TRAPPC3L: variants seen among roughly 807,000 people sequenced by gnomAD.
The protein encoded by TRAPPC3L is trafficking protein particle complex subunit 3L, also known as trafficking protein particle complex subunit 3-like protein.
Under a neutral mutation model 23.7 loss-of-function variants are expected in TRAPPC3L, and 23 were observed. The observed-to-expected ratio is 0.97, with a 90% CI of 0.70 to 1.37. The LOEUF (loss-of-function observed/expected upper bound fraction) is 1.37. TRAPPC3L is among the 40% of genes most tolerant of loss of function. TRAPPC3L has a pLI of 0.00. For missense variants in TRAPPC3L, 212 were observed against 216.8 expected, an observed-to-expected ratio of 0.98 and a Z score of 0.14; for synonymous variants, 81 against 77.9, an observed-to-expected ratio of 1.04 and a Z score of -0.21.
At chr6:116,535,968 G>C (rs1007259376) in intron 3 of TRAPPC3L, among the ~76,000 whole-genome samples, 2 of 151,978 alleles carry the variant, frequency 1.3e-5, no homozygotes, top group Non-Finnish European at 2.9e-5. Context: ...TATTTCACAA[G>C]GTTCTTATAA....
At chr6:116,539,240 T>A (rs1192812854) in intron 3 of TRAPPC3L, among the ~76,000 whole-genome samples, 1 of 152,244 alleles carries the variant, frequency 6.6e-6, no homozygotes, top group South Asian at 2.1e-4. Context: ...TTTTTCAAAC[T>A]ACTGTTTTGG....
chr6:116,499,476 C>T (rs1348968149), intron 4 of TRAPPC3L, among the ~76,000 whole-genome samples: 1 of 152,166 alleles, frequency 6.6e-6, no homozygotes, highest in Non-Finnish European at 1.5e-5. Context: ...ATTTCTGTTG[C>T]TTTCAATATA....
In TRAPPC3L at chr6:116,543,288, A is replaced by G. The variant is rs888593361; in HGVS notation, c.140+15T>C. The G allele has an allele frequency of 1.3e-6, 2 of 1,533,160 alleles. No homozygotes were observed. Among genetic ancestry groups the G allele is most frequent in the South Asian group, 2.4e-5 (2 of 82,582 alleles). The allele number at this position is 1,533,160 out of a possible 1,614,324, so 95.0% of individuals were successfully genotyped here. On this transcript the variant is annotated intron_variant, in intron 2 of 4. Coordinates refer to ENST00000368602, the MANE Select transcript of TRAPPC3L (RefSeq NM_001139444.3). ...AACAACAGCCATTCAATAAGAATGA[A>G]GGACTTCCACTTACATTTTATCTAA... is the stretch of plus-strand genomic sequence containing the variant.
intron 1 of TRAPPC3L, among the ~76,000 whole-genome samples, chr6:116,544,099 C>T (rs927611105): frequency 2.7e-5 from 4 of 145,970 alleles, no homozygotes; most frequent in African/African-American, 1.0e-4. Context: ...CAGCAGAAGA[C>T]AAAGTGCTGC....
chr6:116,498,895 A>G (rs918996021), intron 4 of TRAPPC3L, among the ~76,000 whole-genome samples: 5 of 152,062 alleles, frequency 3.3e-5, no homozygotes, highest in African/African-American at 1.2e-4. Context: ...ATTGCTTCCT[A>G]TGGTTCTGTT....
At chr6:116,537,672 C>T (rs965047780) in intron 3 of TRAPPC3L, among the ~76,000 whole-genome samples, 2 of 152,130 alleles carry the variant, frequency 1.3e-5, no homozygotes, top group Admixed American at 6.6e-5. Flanking sequence ...GGAAGGGACT[C>T]GAGGAGCCCT....
intron 3 of TRAPPC3L, among the ~76,000 whole-genome samples, chr6:116,506,508 T>C (rs1318066637): frequency 1.3e-5 from 2 of 152,212 alleles, no homozygotes; most frequent in African/African-American, 2.4e-5. Flanking sequence ...GCGATCCCAT[T>C]ACTGGGTATA....
chr6:116,507,339 G>A (rs1029647419), intron 3 of TRAPPC3L, among the ~76,000 whole-genome samples: 1 of 152,172 alleles, frequency 6.6e-6, no homozygotes, highest in African/African-American at 2.4e-5. Context: ...ATTTTGGGAA[G>A]TGAAGGGAAA....
chr6:116,529,835 C>T (rs1251753464), intron 3 of TRAPPC3L, among the ~76,000 whole-genome samples: 1 of 152,124 alleles, frequency 6.6e-6, no homozygotes, highest in African/African-American at 2.4e-5. Context: ...TATTTTATGG[C>T]CCCCAGGCTG....
chr6:116,514,140 T>C (rs1391180671), intron 3 of TRAPPC3L, among the ~76,000 whole-genome samples: 2 of 152,034 alleles, frequency 1.3e-5, no homozygotes, highest in Non-Finnish European at 2.9e-5. Flanking sequence ...CACCAAGCTC[T>C]AGTTTGACTC....
chr6:116,534,865 A>T (rs1772974696), intron 3 of TRAPPC3L, among the ~76,000 whole-genome samples: 1 of 152,178 alleles, frequency 6.6e-6, no homozygotes, highest in Admixed American at 6.6e-5. Flanking sequence ...TAAACCTAAA[A>T]ATCGGGGTTT....
intron 3 of TRAPPC3L, chr6:116,523,598 C>A (rs1266675668): frequency 1.3e-5 from 2 of 152,128 alleles, no homozygotes; most frequent in Non-Finnish European, 2.9e-5. Flanking sequence ...TGGGGTCAGA[C>A]CTATGCAATT....
At chr6:116,523,174 C>A (rs1432954846) in intron 3 of TRAPPC3L, 2 of 152,070 alleles carry the variant, frequency 1.3e-5, no homozygotes, top group African/African-American at 4.8e-5. Context: ...ACTCAGAATC[C>A]TGGCCTGCAC....
intron 3 of TRAPPC3L, among the ~76,000 whole-genome samples, chr6:116,530,582 G>A (rs902578578): frequency 6.6e-6 from 1 of 152,060 alleles, no homozygotes; most frequent in Non-Finnish European, 1.5e-5. Flanking sequence ...GCGTTCCTCT[G>A]AGCTCACTGT....
chr6:116,511,072 C>T (rs1156891682), intron 3 of TRAPPC3L, among the ~76,000 whole-genome samples: 6 of 147,772 alleles, frequency 4.1e-5, no homozygotes, highest in African/African-American at 9.9e-5. Context: ...CATACATATC[C>T]GGTGATGGGT....
At chr6:116,511,288 T>TA (rs1417386704) in intron 3 of TRAPPC3L, among the ~76,000 whole-genome samples, 4 of 151,606 alleles carry the variant, frequency 2.6e-5, no homozygotes, top group Non-Finnish European at 5.9e-5. Flanking sequence ...AAAACATTCA[T>TA]AAAATTCTAG....
chr6:116,510,508 G>A (rs557179733), intron 3 of TRAPPC3L, among the ~76,000 whole-genome samples: 35 of 151,622 alleles, frequency 2.3e-4, no homozygotes, highest in African/African-American at 7.0e-4. Flanking sequence ...GGCTGGTCTC[G>A]TACTCCTTGG....
Position 116,543,798 on chromosome 6 carries a change from G to A in TRAPPC3L, c.43-398C>T, listed in dbSNP as rs532754811. 6.5e-5 allele frequency: 99 copies of A among 1,532,652 alleles called. 1 individual carries two copies. In the Middle Eastern group the frequency reaches 1.7e-3, roughly 26 times the overall value. The allele number at this position is 1,532,652 out of a possible 1,614,324, so 94.9% of individuals were successfully genotyped here. On this transcript the variant is annotated intron_variant, in intron 1 of 4. Transcript: ENST00000368602. The stretch of plus-strand genomic sequence containing the variant: ...AAGAATTGGATAAGACTTCTCAGGC[G>A]TCTGCACAATCCCTAATGGCCCCCA...
chr6:116,507,771 C>T (rs530601777), intron 3 of TRAPPC3L, among the ~76,000 whole-genome samples: 9 of 151,400 alleles, frequency 5.9e-5, no homozygotes, highest in African/African-American at 1.9e-4. Flanking sequence ...TGGTGGGAGG[C>T]GCATAAATGA....
Sources: gnomAD v4.1 joint callset for allele counts (sites outside exome capture counted in the v4.1 genomes callset) on GRCh38, gnomAD v4.1.1 for gene constraint, MANE v1.5 for transcripts, NCBI Gene and HGNC (gene_info 2026-07-23, HGNC 2026-07-21) for gene names.